REPS1: variants seen among roughly 807,000 people sequenced by gnomAD.
REPS1 encodes the protein ralBP1-associated Eps domain-containing protein 1.
In REPS1, 39 loss-of-function variants were observed where a neutral mutation model predicts 100.9. That is an observed-to-expected ratio of 0.39 (90% CI 0.30 to 0.50). The LOEUF (loss-of-function observed/expected upper bound fraction) is 0.50, where lower values mean the gene tolerates loss of function less well. Among genes scored for constraint, REPS1 ranks in the 20% least tolerant of loss-of-function variants. The pLI is 0.86. For missense variants in REPS1, 821 were observed against 968.5 expected (o/e 0.85, Z 2.02); for synonymous variants, 324 against 340.3 (o/e 0.95, Z 0.53).
chr6:138,930,284 T>A (rs1417108045), intron 8 of REPS1, among the ~76,000 whole-genome samples, 186 bp from the exon 9 acceptor site: 2 of 152,168 alleles, frequency 1.3e-5, no homozygotes, highest in Non-Finnish European at 2.9e-5. Flanking sequence ...CTACTTATGG[T>A]CTACTCAAAA....
rs1355953108 is a variant in REPS1, at chr6:138,944,516, C to T, written c.735G>A (p.Met245Ile). The change falls in exon 5 of 20, where the codon ATG becomes ATA. Residue 245 changes from methionine (M) to isoleucine (I), a missense_variant. Met to Ile is a conservative substitution (Grantham distance 10). Transcript: ENST00000450536. The stretch of plus-strand genomic sequence containing the variant: ...GTCACACCTGGACAGAAGCAGGATG[C>T]ATGGTTAAAAGAGTACTGGTTGGTG... ...DTPPTSTLLT[M>I]HPASVQDQTT... 3 of 1,613,762 alleles carry T rather than the reference C, an allele frequency of 1.9e-6. No homozygotes were observed. The South Asian group carries it at 3.3e-5, about 18-fold the overall frequency.
intron 8 of REPS1, among the ~76,000 whole-genome samples, chr6:138,936,597 G>T (rs886446066): frequency 2.3e-5 from 3 of 127,940 alleles, no homozygotes; most frequent in African/African-American, 5.8e-5. Flanking sequence ...GGTGGGGGGG[G>T]AGACAGACAG....
In REPS1 at chr6:138,920,232, G is replaced by C. The variant is rs915212107; in HGVS notation, c.1511C>G (p.Ala504Gly). The C allele has an allele frequency of 7.6e-6, 12 of 1,573,412 alleles. No individual in the cohort carries two copies. Among genetic ancestry groups the C allele is most frequent in the Non-Finnish European group, 1.0e-5 (12 of 1,143,188 alleles). ...TCACTTACCTACAGTATTACCAGAA[G>C]CGAATTTCACCGATGAATTTATCTT... The part of the protein sequence containing the change: ...ENKINSSVKF[A>G]SGNTVADGYS... Residue 504 changes from alanine to glycine, a missense_variant, in exon 12 of 20, where the codon GCT (alanine) becomes GGT (glycine). Ala to Gly is a moderately conservative substitution (Grantham distance 60). Around this residue, in one of 3 missense-constraint regions of REPS1, gnomAD observed 757 missense variants for 866.4 expected, o/e 0.87. Coordinates refer to ENST00000450536, the MANE Select transcript of REPS1 (RefSeq NM_001286611.2).
chr6:138,905,734 T>C (rs1393441875), intron 19 of REPS1, among the ~76,000 whole-genome samples: 2 of 152,228 alleles, frequency 1.3e-5, no homozygotes, highest in Non-Finnish European at 1.5e-5. Context: ...CACCTGAATT[T>C]TGCAATAAAC....
At chr6:138,966,061 T>G (rs1419871705) in intron 1 of REPS1, among the ~76,000 whole-genome samples, 1 of 152,144 alleles carries the variant, frequency 6.6e-6, no homozygotes, top group African/African-American at 2.4e-5. Context: ...GGCTCAGTAA[T>G]TCGCCCTGGT....
At position 138,945,344 on chromosome 6, in the gene REPS1, T is replaced by C. The variant is rs780613162; in HGVS notation, c.503A>G (p.Gln168Arg). ...QEPASPVVSPQQSPPTSPHTW... is the reference protein window; with the variant it reads ...QEPASPVVSPRQSPPTSPHTW... The stretch of plus-strand genomic sequence containing the variant: ...GTGTGGAGAAGTTGGTGGGGATTGC[T>C]GTGGTGAAACTACTGGGGATGCAGG... The change falls in exon 4 of 20, where the codon CAG (glutamine) becomes CGG (arginine). Residue 168 changes from glutamine to arginine, a missense_variant. This residue lies in a region of REPS1 where 757 missense variants were observed against 866.4 expected (regional missense o/e 0.87). Transcript: ENST00000450536. 6 of 1,611,678 alleles carry C rather than the reference T, an allele frequency of 3.7e-6. No homozygotes were observed. Among genetic ancestry groups the C allele is most frequent in the Admixed American group, 3.3e-5 (2 of 59,812 alleles).
chr6:138,976,551 G>A (rs988223815), intron 1 of REPS1, among the ~76,000 whole-genome samples: 2 of 152,092 alleles, frequency 1.3e-5, no homozygotes, highest in African/African-American at 4.8e-5. Context: ...ATTATTACTT[G>A]TCAGTCATGA....
chr6:138,918,344 T>A (rs894405412), intron 12 of REPS1, among the ~76,000 whole-genome samples: 22 of 152,192 alleles, frequency 1.4e-4, no homozygotes, highest in Non-Finnish European at 2.8e-4. Flanking sequence ...TACATGCAAA[T>A]ACTACACCAT....
intron 10 of REPS1, among the ~76,000 whole-genome samples, chr6:138,924,734 A>G (rs1288915657): frequency 6.6e-6 from 1 of 152,232 alleles, no homozygotes. Context: ...TTTAAACTTA[A>G]AAAGAAAACA....
chr6:138,987,724 C>G lies in REPS1; in HGVS notation c.-42G>C. 2.0e-6 allele frequency: 3 copies of G among 1,484,176 alleles called. No individual in the cohort carries two copies. Among genetic ancestry groups the G allele is most frequent in the Non-Finnish European group, 2.7e-6 (3 of 1,113,288 alleles). 91.9% of individuals were successfully genotyped at this position (1,484,176 alleles called of 1,614,324 possible). ...CGGCCGCCCCGCCCCGCATGCACTA[C>G]TCGGGGCCCGGCCCCAGGAACCTGG... On this transcript the variant is annotated 5_prime_UTR_variant, in exon 1 of 20. Transcript: ENST00000450536.
intron 8 of REPS1, among the ~76,000 whole-genome samples, chr6:138,931,106 CATT>C (rs1243675873): frequency 6.6e-6 from 1 of 152,130 alleles, no homozygotes; most frequent in East Asian, 1.9e-4. Context: ...ATTACAATAT[CATT>C]GTGTCTGACC....
chr6:138,965,993 C>G (rs1389387785), intron 1 of REPS1, among the ~76,000 whole-genome samples: 1 of 152,054 alleles, frequency 6.6e-6, no homozygotes, highest in Non-Finnish European at 1.5e-5. Context: ...ATCATCTTAG[C>G]CCAGAAGGAC....
In REPS1 at chr6:138,988,017, A is replaced by C. The variant is rs917738216; in HGVS notation, c.-335T>G. On this transcript the variant is annotated 5_prime_UTR_variant, in exon 1 of 20. Transcript: ENST00000450536. ...CCGCGGAGGCGCGAGGCACTGGCGG[A>C]CTCCGCCCCCGCCGCGGGTTCGAGT... 7.6e-6 allele frequency: 3 copies of C among 394,326 alleles called. No individual in the cohort carries two copies. Among genetic ancestry groups the C allele is most frequent in the African/African-American group, 4.2e-5 (2 of 47,750 alleles). The allele number at this position is 394,326 out of a possible 1,614,324, so 24.4% of individuals were successfully genotyped here. A position where few individuals can be genotyped will look rare whatever the true frequency, so the allele number is the denominator to read the frequency against.
chr6:138,960,794 C>G (rs996674557), intron 1 of REPS1, among the ~76,000 whole-genome samples: 1 of 152,094 alleles, frequency 6.6e-6, no homozygotes, highest in Admixed American at 6.5e-5. Context: ...CATCAAGAAA[C>G]TTTTCTAAAT....
chr6:138,965,583 CAT>C (rs1169005553), intron 1 of REPS1, among the ~76,000 whole-genome samples: 1 of 152,092 alleles, frequency 6.6e-6, no homozygotes, highest in Non-Finnish European at 1.5e-5. Context: ...CAAACTGAGA[CAT>C]GTGTAGAGTG....
intron 2 of REPS1, 31 bp downstream of exon 2, chr6:138,947,759 T>C: frequency 6.8e-7 from 1 of 1,464,680 alleles, no homozygotes; most frequent in Non-Finnish European, 9.1e-7. Flanking sequence ...AAGCCTATTT[T>C]CTTTCGGTTA....
At chr6:138,986,585 T>C (rs1013325091) in intron 1 of REPS1, among the ~76,000 whole-genome samples, 1 of 152,204 alleles carries the variant, frequency 6.6e-6, no homozygotes, top group Non-Finnish European at 1.5e-5. Flanking sequence ...CATACACCTA[T>C]ACATGTGGCT....
chr6:138,986,339 C>T (rs561818330), intron 1 of REPS1, among the ~76,000 whole-genome samples: 22 of 152,332 alleles, frequency 1.4e-4, no homozygotes, highest in African/African-American at 5.1e-4. Context: ...AGATCGAACT[C>T]GTTCAACTTA....
At chr6:138,961,512 C>T (rs1008083994) in intron 1 of REPS1, among the ~76,000 whole-genome samples, 33 of 152,134 alleles carry the variant, frequency 2.2e-4, no homozygotes, top group African/African-American at 6.0e-4. Context: ...CCACCATGCT[C>T]GGCTCAAAGG....
Sources: gnomAD v4.1 joint callset for allele counts (sites outside exome capture counted in the v4.1 genomes callset) on GRCh38, gnomAD v4.1.1 for gene constraint, gnomAD v4.1.1 regional missense constraint, MANE v1.5 for transcripts, NCBI Gene and HGNC (gene_info 2026-07-23, HGNC 2026-07-21) for gene names.